The following C12orf42 variants were observed in gnomAD, a reference collection of about 807,000 sequenced individuals.
C12orf42 encodes uncharacterized protein C12orf42.
A neutral mutation model predicts 21.6 loss-of-function variants in C12orf42; 25 were observed. The observed-to-expected ratio is 1.16, with a 90% CI of 0.84 to 1.62. The LOEUF is 1.62. C12orf42 is among the 40% of genes most tolerant of loss of function. The pLI is 0.00. For synonymous variants in C12orf42, 174 were observed against 175.0 expected (o/e 0.99, Z 0.05); for missense variants, 483 against 459.3 (o/e 1.05, Z -0.47).
At chr12:103,259,263 A>G (rs922519406) in intron 10 of C12orf42, among the ~76,000 whole-genome samples, 7 of 152,130 alleles carry the variant, frequency 4.6e-5, no homozygotes, top group Non-Finnish European at 8.8e-5. Context: ...GTTCTCCTAG[A>G]GTCAATTTGT....
chr12:103,523,272 T>C, the C12orf42 span, among the ~76,000 whole-genome samples: 3 of 152,290 alleles, frequency 2.0e-5, no homozygotes, highest in South Asian at 6.2e-4. Context: ...AGGGAATAAA[T>C]GTCTCATCAT....
At chr12:103,070,437 T>A in the C12orf42 span, among the ~76,000 whole-genome samples, 1 of 151,914 alleles carries the variant, frequency 6.6e-6, no homozygotes, top group Non-Finnish European at 1.5e-5. Flanking sequence ...GCAATTCCAT[T>A]TTCTCCACAA....
At chr12:103,403,984 A>C (rs1273034578) in intron 2 of C12orf42, among the ~76,000 whole-genome samples, 1 of 152,204 alleles carries the variant, frequency 6.6e-6, no homozygotes, top group Non-Finnish European at 1.5e-5. Context: ...ATGCAAAAAC[A>C]ATACCTCTTA....
At chr12:103,215,142 G>C in the C12orf42 span, among the ~76,000 whole-genome samples, 2 of 152,210 alleles carry the variant, frequency 1.3e-5, no homozygotes, top group African/African-American at 4.8e-5. Flanking sequence ...TGCAGGGGAA[G>C]AAATAAACAT....
At chr12:103,243,665 C>G (rs1285037230) in intron 10 of C12orf42, among the ~76,000 whole-genome samples, 1 of 152,032 alleles carries the variant, frequency 6.6e-6, no homozygotes, top group Non-Finnish European at 1.5e-5. Flanking sequence ...AAAACTCTAT[C>G]CACAATAAGC....
the C12orf42 span, among the ~76,000 whole-genome samples, chr12:103,106,226 T>A: frequency 6.6e-6 from 1 of 152,044 alleles, no homozygotes; most frequent in Non-Finnish European, 1.5e-5. Flanking sequence ...CACTTAAGAA[T>A]GTGAGTAAAT....
the C12orf42 span, among the ~76,000 whole-genome samples, chr12:103,203,862 C>T: frequency 1.3e-5 from 2 of 152,070 alleles, no homozygotes; most frequent in Non-Finnish European, 2.9e-5. Flanking sequence ...GATGAGCACC[C>T]AACATTTTAG....
chr12:103,257,929 G>A (rs1312140805), intron 10 of C12orf42, among the ~76,000 whole-genome samples: 1 of 151,770 alleles, frequency 6.6e-6, no homozygotes. Flanking sequence ...AATTAATAAA[G>A]ATTTTTTTAA....
chr12:103,527,229 G>A, the C12orf42 span, among the ~76,000 whole-genome samples: 3 of 152,154 alleles, frequency 2.0e-5, no homozygotes, highest in Non-Finnish European at 4.4e-5. Context: ...ACATGAACAT[G>A]TCTGTGCTTG....
intron 2 of C12orf42, among the ~76,000 whole-genome samples, chr12:103,411,736 C>G (rs1408051058): frequency 1.3e-5 from 2 of 152,198 alleles, no homozygotes; most frequent in African/African-American, 4.8e-5. Context: ...TTGGACTTCC[C>G]ATCCTCCAGG....
At chr12:103,505,038 G>A in the C12orf42 span, 20 of 271,352 alleles carry the variant, frequency 7.4e-5, no homozygotes, top group East Asian at 6.7e-4. Context: ...GGAAGCTAGC[G>A]GATGGAGTGG....
At chr12:103,222,986 A>G in the C12orf42 span, among the ~76,000 whole-genome samples, 2 of 151,794 alleles carry the variant, frequency 1.3e-5, no homozygotes, top group African/African-American at 4.8e-5. Flanking sequence ...TCAGTCTACA[A>G]ACATAATCTC....
At chr12:103,345,937 A>G (rs992238789) in intron 4 of C12orf42, among the ~76,000 whole-genome samples, 3 of 152,212 alleles carry the variant, frequency 2.0e-5, no homozygotes, top group African/African-American at 7.2e-5. Flanking sequence ...CCTTCAAAGC[A>G]ATGATAAGTG....
chr12:103,494,486 T>G (rs1034845370), intron 1 of C12orf42, among the ~76,000 whole-genome samples: 19 of 152,194 alleles, frequency 1.2e-4, no homozygotes, highest in Non-Finnish European at 2.5e-4. Context: ...TTTATTGGCA[T>G]TTTTTTATCT....
At chr12:103,346,014 A>G (rs2042591431) in intron 4 of C12orf42, among the ~76,000 whole-genome samples, 5 of 152,208 alleles carry the variant, frequency 3.3e-5, no homozygotes, top group African/African-American at 2.4e-5. Flanking sequence ...TTCTCACTCC[A>G]TTGACCATAC....
the C12orf42 span, among the ~76,000 whole-genome samples, chr12:103,066,339 A>T: frequency 1.3e-5 from 2 of 152,210 alleles, no homozygotes; most frequent in African/African-American, 4.8e-5. Flanking sequence ...TGAAGGCACA[A>T]GTAAGTTACA....
At chr12:103,507,126 TA>T in the C12orf42 span, among the ~76,000 whole-genome samples, 3 of 18,876 alleles carry the variant, frequency 1.6e-4, no homozygotes, top group African/African-American at 9.2e-4. Flanking sequence ...TATTTATATA[TA>T]ATATATATTA....
chr12:103,471,799 A>G (rs1485060958), intron 2 of C12orf42, among the ~76,000 whole-genome samples: 2 of 152,228 alleles, frequency 1.3e-5, no homozygotes, highest in African/African-American at 2.4e-5. Flanking sequence ...CTTGACATGT[A>G]TATAGCACAT....
intron 4 of C12orf42, among the ~76,000 whole-genome samples, chr12:103,346,412 T>C (rs1264570256): frequency 6.6e-6 from 1 of 152,202 alleles, no homozygotes; most frequent in Non-Finnish European, 1.5e-5. Flanking sequence ...TTAATTTATT[T>C]TTAAGCTATG....
Sources: gnomAD v4.1 joint callset for allele counts (sites outside exome capture counted in the v4.1 genomes callset) on GRCh38, gnomAD v4.1.1 for gene constraint, MANE v1.5 for transcripts, NCBI Gene and HGNC (gene_info 2026-07-23, HGNC 2026-07-21) for gene names.